ZNF540: variants seen among roughly 807,000 people sequenced by gnomAD.
The protein encoded by ZNF540 is CTD-3064H18.6.
A neutral mutation model predicts 11.8 loss-of-function variants in ZNF540; 3 were observed. The observed-to-expected ratio is 0.25, with a 90% CI of 0.12 to 0.65. The LOEUF (loss-of-function observed/expected upper bound fraction) is 0.65. Among genes scored for constraint, ZNF540 ranks in the 30% least tolerant of loss-of-function variants. The pLI is 0.83. For missense variants in ZNF540, 709 were observed against 793.1 expected (o/e 0.89, Z 1.27); for synonymous variants, 247 against 259.0 (o/e 0.95, Z 0.45).
At chr19:37,598,524 C>G (rs1429026793) in intron 2 of ZNF540, 68 bp downstream of exon 2, 1 of 1,556,432 alleles carries the variant, frequency 6.4e-7, no homozygotes, top group African/African-American at 1.4e-5. Flanking sequence ...CATTTTCACT[C>G]TTTATGCTGA....
chr19:37,588,958 G>GA (rs2043777884), intron 1 of ZNF540, among the ~76,000 whole-genome samples: 1 of 152,016 alleles, frequency 6.6e-6, no homozygotes, highest in African/African-American at 2.4e-5. Flanking sequence ...CCAGCACTTT[G>GA]GGAGGCTGAG....
chr19:37,568,293 G>T (rs1442485648), intron 1 of ZNF540, among the ~76,000 whole-genome samples: 1 of 148,564 alleles, frequency 6.7e-6, no homozygotes, highest in Non-Finnish European at 1.5e-5. Context: ...AAAGCAAAAA[G>T]AAATGATAAA....
chr19:37,577,683 A>T (rs1308726240), intron 1 of ZNF540, among the ~76,000 whole-genome samples: 1 of 152,222 alleles, frequency 6.6e-6, no homozygotes, highest in Admixed American at 6.5e-5. Context: ...ATCTGGTGAT[A>T]GCCGGCTATT....
chr19:37,555,708 G>A, intron 1 of ZNF540: 1 of 599,424 alleles, frequency 1.7e-6, no homozygotes, highest in Non-Finnish European at 3.0e-6. Context: ...GGCTTGGGTG[G>A]GCTCCATGAG....
intron 1 of ZNF540, chr19:37,564,668 G>A (rs780116456): frequency 1.2e-6 from 2 of 1,613,046 alleles, no homozygotes; most frequent in South Asian, 1.1e-5. Flanking sequence ...CTGGACACAT[G>A]TATAGGGTTT....
intron 1 of ZNF540, among the ~76,000 whole-genome samples, chr19:37,558,711 T>C (rs1408445141): frequency 6.6e-6 from 1 of 152,198 alleles, no homozygotes; most frequent in Non-Finnish European, 1.5e-5. Flanking sequence ...GTCTCTGTTA[T>C]CTTCTTAACA....
At chr19:37,566,037 T>G in intron 1 of ZNF540, 5 of 1,614,110 alleles carry the variant, frequency 3.1e-6, no homozygotes, top group Non-Finnish European at 4.2e-6. Context: ...GTAGGAATTA[T>G]CCGATGAAAA....
intron 1 of ZNF540, chr19:37,586,704 G>C (rs1462692701): frequency 6.2e-7 from 1 of 1,613,822 alleles, no homozygotes; most frequent in Non-Finnish European, 8.5e-7. Flanking sequence ...CAATTTTCTG[G>C]GTTCTTCTCC....
Position 37,611,506 on chromosome 19 carries a change from C to T in ZNF540, c.233-7C>T. 6.4e-7 allele frequency: 1 copy of T among 1,558,288 alleles called. No homozygotes were observed. The highest frequency in any genetic ancestry group is 1.2e-5 in the South Asian group (1 of 81,836). On this transcript the variant is annotated splice_region_variant and splice_polypyrimidine_tract_variant and intron_variant, in intron 4 of 4. Coordinates refer to ENST00000316433, the MANE Select transcript of ZNF540 (RefSeq NM_001172225.3). Reference sequence around the variant, plus strand: ...TAATTTTTGTTTGCTTTTATGTTTTCTTTCAGGTTTGTTATCCAGGCATAA... The same window carrying T: ...TAATTTTTGTTTGCTTTTATGTTTTTTTTCAGGTTTGTTATCCAGGCATAA...
At chr19:37,598,867 G>C (rs2044016802) in intron 2 of ZNF540, among the ~76,000 whole-genome samples, 2 of 152,184 alleles carry the variant, frequency 1.3e-5, no homozygotes, top group African/African-American at 4.8e-5. Context: ...CCTGCTTATA[G>C]AGAGGCCAGG....
chr19:37,569,203 C>G lies in ZNF540; in HGVS notation c.-73+17538C>G, dbSNP rs1159207950. On this transcript the variant is annotated intron_variant, in intron 1 of 4. Transcript: ENST00000592533. The surrounding 1 kb of genome is among the most constrained non-coding windows in gnomAD (Gnocchi z 4.4). ...CCTGGCCTCAAGTGATCCACCTGCCCCGGACTCCCACAGCACTAGGATTAC... is the reference window on the plus strand; with the variant it reads ...CCTGGCCTCAAGTGATCCACCTGCCGCGGACTCCCACAGCACTAGGATTAC... Among the ~76,000 whole-genome samples, 1 of 151,992 alleles carries G rather than the reference C, an allele frequency of 6.6e-6. No individual in the cohort carries two copies. The highest frequency in any genetic ancestry group is 6.6e-5 in the Admixed American group (1 of 15,254).
chr19:37,599,583 T>C (rs2044023295), intron 2 of ZNF540, 43 bp from the exon 3 acceptor site: 1 of 1,612,612 alleles, frequency 6.2e-7, no homozygotes, highest in Non-Finnish European at 8.5e-7. Flanking sequence ...TTAAAATACT[T>C]GTTCTGTAAT....
rs560596404 is a variant in ZNF540 at position 37,613,385 on chromosome 19, A to T, written c.*122A>T. 5.8e-6 allele frequency: 4 copies of T among 685,356 alleles called. No individual in the cohort carries two copies. The South Asian group carries it at 1.4e-4, about 24-fold the overall frequency. 42.5% of individuals were successfully genotyped at this position (685,356 alleles called of 1,614,324 possible). A position where few individuals can be genotyped will look rare whatever the true frequency, so the allele number is the denominator to read the frequency against. On this transcript the variant is annotated 3_prime_UTR_variant, in exon 5 of 5. Coordinates refer to ENST00000316433, the MANE Select transcript of ZNF540 (RefSeq NM_001172225.3). ...TTAACTTAATAAATGTATGAGTCTT[A>T]AATACCTCTTAGTTCTCATTAAATT...
At chr19:37,566,349 C>G in intron 1 of ZNF540, 1 of 1,520,620 alleles carries the variant, frequency 6.6e-7, no homozygotes, top group Non-Finnish European at 8.8e-7. Context: ...AATAAAAATT[C>G]TATGGTAAAA....
intron 4 of ZNF540, among the ~76,000 whole-genome samples, chr19:37,605,650 A>C (rs2044079695): frequency 6.7e-6 from 1 of 149,814 alleles, no homozygotes; most frequent in South Asian, 2.1e-4. Context: ...CTCTTGTCGC[A>C]AAAAAAAGAA....
At chr19:37,604,697 C>A (rs767362068) in intron 4 of ZNF540, among the ~76,000 whole-genome samples, 2 of 152,074 alleles carry the variant, frequency 1.3e-5, no homozygotes, top group South Asian at 2.1e-4. Context: ...TTATTTTGGA[C>A]AAACACGTGA....
At chr19:37,597,076 CTGAT>C (rs1343787023) in intron 1 of ZNF540, among the ~76,000 whole-genome samples, 6 of 152,058 alleles carry the variant, frequency 3.9e-5, no homozygotes, top group African/African-American at 1.2e-4. Context: ...TTCTGTTTTT[CTGAT>C]GTTGAAGTGG....
upstream of ZNF540, chr19:37,594,754 A>G (rs1412313207): frequency 1.3e-5 from 2 of 152,190 alleles, no homozygotes; most frequent in African/African-American, 4.8e-5. Flanking sequence ...GCCGGCGCAG[A>G]CAAGCTCCGT....
chr19:37,609,944 A>G (rs2044115620), intron 4 of ZNF540, among the ~76,000 whole-genome samples: 1 of 152,210 alleles, frequency 6.6e-6, no homozygotes, highest in Non-Finnish European at 1.5e-5. Context: ...AGCTGTGTAA[A>G]CATACATCTC....
Sources: gnomAD v4.1 joint callset for allele counts (sites outside exome capture counted in the v4.1 genomes callset) on GRCh38, gnomAD v4.1.1 for gene constraint, Gnocchi (gnomAD v3.1) non-coding constraint, MANE v1.5 for transcripts, NCBI Gene and HGNC (gene_info 2026-07-23, HGNC 2026-07-21) for gene names.